Variants in DOCK10 observed in about 807,000 individuals in gnomAD.
The protein encoded by DOCK10 is dedicator of cytokinesis protein 10.
DOCK10 carries 145 observed loss-of-function variants against 280.1 expected under a neutral mutation model. That is an observed-to-expected ratio of 0.52 (90% confidence interval 0.45 to 0.59). The LOEUF is 0.59. DOCK10 is among the 20% of genes least tolerant of loss of function. The probability of loss-of-function intolerance (pLI) is 0.00; values close to 1 mark genes in which losing one functional copy is unlikely to be tolerated. For missense variants in DOCK10, 2,368 were observed against 2,651.7 expected (o/e 0.89, Z 2.35); for synonymous variants, 915 against 942.2 (o/e 0.97, Z 0.53).
intron 1 of DOCK10, among the ~76,000 whole-genome samples, chr2:224,987,849 G>A (rs1350100347): frequency 6.6e-6 from 1 of 152,160 alleles, no homozygotes; most frequent in African/African-American, 2.4e-5. Flanking sequence ...TTTGATGCTT[G>A]TCCAAATGAC....
intron 1 of DOCK10, among the ~76,000 whole-genome samples, chr2:225,016,565 ATCTATGTG>A (rs1420858250): frequency 5.0e-5 from 7 of 140,614 alleles, no homozygotes; most frequent in Non-Finnish European, 9.3e-5. Context: ...AGATACATAT[ATCTATGTG>A]CACATAGATA....
Position 224,786,951 on chromosome 2 carries a change from C to T in DOCK10, c.5655+71G>A, listed in dbSNP as rs1280908803. ...CATTCACTGGTACACACAGATGTCT[C>T]ATAAAGAATGAAAGACAACATTCAA... On this transcript the variant is annotated intron_variant, in intron 50 of 55. Coordinates refer to ENST00000258390, the MANE Select transcript of DOCK10 (RefSeq NM_014689.3). This position sits in a 1 kb window ranked among gnomAD's most constrained non-coding sequence, Gnocchi z 4.7. 6.2e-6 allele frequency: 7 copies of T among 1,129,920 alleles called. No homozygotes were observed. The highest frequency in any genetic ancestry group is 9.5e-6 in the Non-Finnish European group (7 of 739,466). 70.0% of individuals were successfully genotyped at this position (1,129,920 alleles called of 1,614,324 possible). A position where few individuals can be genotyped will look rare whatever the true frequency, so the allele number is the denominator to read the frequency against.
rs768978132 is a variant in DOCK10 at position 224,887,943 on chromosome 2, C to T, written c.417-1412G>A. 3.2e-4 allele frequency among the ~76,000 whole-genome samples: 49 copies of T among 152,168 alleles called. 1 individual carries two copies. Among genetic ancestry groups the T allele is most frequent in the Non-Finnish European group, 5.9e-4 (40 of 68,026 alleles). Reference sequence around the variant, plus strand: ...TCATTGACTTCTCCCTGTTTCCTCTCACCCCTGGTAACTGTTGGTGAGAAT... The same window carrying T: ...TCATTGACTTCTCCCTGTTTCCTCTTACCCCTGGTAACTGTTGGTGAGAAT... On this transcript the variant is annotated intron_variant, in intron 4 of 55. Transcript: ENST00000258390.
rs1171643988 is a variant in DOCK10, at chr2:224,765,159, T to G, written c.*562A>C. 6.5e-6 allele frequency: 1 copy of G among 152,680 alleles called. No homozygotes were observed. 9.5% of individuals were successfully genotyped at this position (152,680 alleles called of 1,614,324 possible). Reference sequence around the variant, plus strand: ...TTCATAATTTCACATCCCATTGCTTTTAAGAGCACATATATTACAAATAAA... The same window carrying G: ...TTCATAATTTCACATCCCATTGCTTGTAAGAGCACATATATTACAAATAAA... On this transcript the variant is annotated 3_prime_UTR_variant, in exon 56 of 56. Transcript: ENST00000258390.
At chr2:225,038,129 T>G (rs1482282600) in intron 1 of DOCK10, among the ~76,000 whole-genome samples, 13 of 152,204 alleles carry the variant, frequency 8.5e-5, no homozygotes, top group Non-Finnish European at 1.9e-4. Flanking sequence ...AAGACTGTGC[T>G]GTGAATGCTA....
At chr2:224,872,380 AG>A (rs773483007) in intron 11 of DOCK10, among the ~76,000 whole-genome samples, 1 of 152,232 alleles carries the variant, frequency 6.6e-6, no homozygotes, top group Non-Finnish European at 1.5e-5. Flanking sequence ...CTCCATTTAA[AG>A]GAGTGAAGAC....
rs149968897 is a variant in DOCK10, at chr2:224,931,402, C to A, written c.243+147G>T. On this transcript the variant is annotated intron_variant, in intron 2 of 55. Transcript: ENST00000258390. ...ACTTGAGGGGGCCCTGGGGTACTTTCTATTATAGGATGTGAACTCCTGCTG... is the reference window on the plus strand; with the variant it reads ...ACTTGAGGGGGCCCTGGGGTACTTTATATTATAGGATGTGAACTCCTGCTG... The A allele has an allele frequency of 1.2e-3, 1,032 of 881,984 alleles. 5 individuals are homozygous for A. Among genetic ancestry groups the A allele is most frequent in the African/African-American group, 8.2e-3 (480 of 58,300 alleles). 54.6% of individuals were successfully genotyped at this position (881,984 alleles called of 1,614,324 possible).
intron 3 of DOCK10, among the ~76,000 whole-genome samples, chr2:224,908,042 ATG>A (rs149316414): frequency 8.0e-5 from 12 of 150,852 alleles, no homozygotes; most frequent in South Asian, 2.1e-4. Context: ...AAGACTCTGA[ATG>A]TGTGTGTGTG....
chr2:224,892,881 C>T (rs552255775), intron 4 of DOCK10, among the ~76,000 whole-genome samples: 44 of 152,230 alleles, frequency 2.9e-4, no homozygotes, highest in Non-Finnish European at 4.7e-4. Flanking sequence ...AGCTCAGTCA[C>T]ATGTCTGTGG....
chr2:224,783,728 G>C (rs1297120389), intron 50 of DOCK10, among the ~76,000 whole-genome samples: 1 of 149,992 alleles, frequency 6.7e-6, no homozygotes, highest in Non-Finnish European at 1.5e-5. Context: ...CCCCCCCTCA[G>C]TCTATTTAGT....
intron 25 of DOCK10, among the ~76,000 whole-genome samples, chr2:224,836,213 T>C (rs927618275): frequency 1.3e-5 from 2 of 152,202 alleles, no homozygotes; most frequent in Non-Finnish European, 2.9e-5. Flanking sequence ...TAATGAAGCA[T>C]TGAGAGGGTG....
intron 4 of DOCK10, among the ~76,000 whole-genome samples, chr2:224,887,413 G>T (rs1699373333): frequency 6.6e-6 from 1 of 152,166 alleles, no homozygotes; most frequent in Non-Finnish European, 1.5e-5. Context: ...TGGTATCCTA[G>T]AAATGCCTAT....
intron 9 of DOCK10, 79 bp downstream of exon 9, chr2:224,874,587 C>G: frequency 7.3e-7 from 1 of 1,368,302 alleles, no homozygotes; most frequent in Non-Finnish European, 1.0e-6. Flanking sequence ...TAAAAGAAAG[C>G]ATTTACGTCT....
chr2:224,779,783 T>G (rs7596226), intron 50 of DOCK10, among the ~76,000 whole-genome samples: 89,468 of 152,016 alleles, frequency 0.59, 29,133 homozygotes, highest in African/African-American at 0.86. Flanking sequence ...AGGGTAATTT[T>G]TATTCTAAGT....
At position 224,982,315 on chromosome 2, in the gene DOCK10, C is replaced by A. The variant is rs574101643; in HGVS notation, c.124-50647G>T. 8 of 1,232,042 alleles carry A rather than the reference C, an allele frequency of 6.5e-6. No homozygotes were observed. The African/African-American group carries it at 9.3e-5, about 14-fold the overall frequency. The allele number at this position is 1,232,042 out of a possible 1,614,324, so 76.3% of individuals were successfully genotyped here. Reference sequence around the variant, plus strand: ...GTCTACAAATGTGTGGACAGCTCCTCTGGACCACAGAACGAAAAGCTTGAA... The same window carrying A: ...GTCTACAAATGTGTGGACAGCTCCTATGGACCACAGAACGAAAAGCTTGAA... On this transcript the variant is annotated intron_variant, in intron 1 of 55. Coordinates refer to ENST00000258390, the MANE Select transcript of DOCK10 (RefSeq NM_014689.3).
Position 224,840,010 on chromosome 2 carries a change from C to T in DOCK10, c.2724G>A (p.Gln908=). The change falls in exon 24 of 56, where the codon CAG becomes CAA. Residue 908 remains glutamine (Q), a synonymous_variant. Transcript: ENST00000258390. ...IMSFLPIILN[Q]LFKVLVQNEE... ...CATTCTGTACCAGAACTTTGAAGAG[C>T]TGATTCAAAATTATAGGCAGAAAAC... is the stretch of plus-strand genomic sequence containing the variant. 6.4e-7 allele frequency: 1 copy of T among 1,565,492 alleles called. No homozygotes were observed. Among genetic ancestry groups the T allele is most frequent in the South Asian group, 1.2e-5 (1 of 84,962 alleles).
At chr2:224,877,851 G>T (rs1698736811) in intron 7 of DOCK10, among the ~76,000 whole-genome samples, 1 of 152,202 alleles carries the variant, frequency 6.6e-6, no homozygotes, top group Non-Finnish European at 1.5e-5. Context: ...ATTTAAGGGG[G>T]TGGTTGTTGG....
chr2:224,936,627 T>G (rs1318577316), intron 1 of DOCK10, among the ~76,000 whole-genome samples: 1 of 32,304 alleles, frequency 3.1e-5, no homozygotes, highest in Non-Finnish European at 1.1e-4. Flanking sequence ...GTTTATGTAT[T>G]TATTGTTCAA....
rs983185613 is a variant in DOCK10 at position 225,035,239 on chromosome 2, T to C, written c.123+7013A>G. Among the ~76,000 whole-genome samples, 16 of 152,040 alleles carry C rather than the reference T, an allele frequency of 1.1e-4. No homozygotes were observed. In the South Asian group the frequency reaches 3.1e-3, roughly 30 times the overall value. On this transcript the variant is annotated intron_variant, in intron 1 of 55. Coordinates refer to ENST00000258390, the MANE Select transcript of DOCK10 (RefSeq NM_014689.3). ...GTGCATAATGGAACTCCAACATGGA[T>C]AGTCAAGGAAAGAGTATCTCAGGAT... is the stretch of plus-strand genomic sequence containing the variant.
Sources: allele counts gnomAD v4.1 joint callset (sites outside exome capture counted in the v4.1 genomes callset), GRCh38; gene constraint gnomAD v4.1.1; non-coding constraint Gnocchi (gnomAD v3.1); transcripts MANE v1.5; gene names NCBI Gene and HGNC (gene_info 2026-07-23, HGNC 2026-07-21).